NLK: variants seen among roughly 807,000 people sequenced by gnomAD.
NLK encodes serine/threonine-protein kinase NLK.
NLK carries 11 observed loss-of-function variants against 59.0 expected under a neutral mutation model. That is an observed-to-expected ratio of 0.19 (90% CI 0.12 to 0.31). NLK has a LOEUF of 0.31. NLK is among the 10% of genes least tolerant of loss of function. The pLI, the probability that NLK is intolerant of heterozygous loss-of-function variation, is 1.00. For synonymous variants in NLK, 235 were observed against 235.9 expected (o/e 1.00, Z 0.03); for missense variants, 410 against 661.1 (o/e 0.62, Z 4.16).
At chr17:28,186,658 T>C (rs929585841) in intron 8 of NLK, among the ~76,000 whole-genome samples, 6 of 152,162 alleles carry the variant, frequency 3.9e-5, no homozygotes, top group African/African-American at 1.4e-4. Flanking sequence ...AGAGAGCTTG[T>C]GCAGGGAAAC....
intron 1 of NLK, among the ~76,000 whole-genome samples, chr17:28,104,037 T>C (rs930675165): frequency 3.3e-5 from 5 of 152,244 alleles, no homozygotes; most frequent in African/African-American, 9.6e-5. Flanking sequence ...TCACTGAAAT[T>C]CCTATATTCT....
chr17:28,048,121 T>C (rs1452654108), intron 1 of NLK: 1 of 393,240 alleles, frequency 2.5e-6, no homozygotes, highest in Non-Finnish European at 4.5e-6. Flanking sequence ...TAATTTTAAC[T>C]ACAAACGAAC....
Position 28,060,298 on chromosome 17 carries a change from A to G in NLK, c.458+16967A>G, listed in dbSNP as rs879941088. ...CAAGAAAAGAACATCAGATTTGTCT[A>G]TGAAGACATCTAAGATGTGTATTTG... On this transcript the variant is annotated intron_variant, in intron 1 of 10. Coordinates refer to ENST00000407008, the MANE Select transcript of NLK (RefSeq NM_016231.5). Among the ~76,000 whole-genome samples the G allele has an allele frequency of 3.3e-5, 5 of 152,332 alleles. No homozygotes were observed. The East Asian group carries it at 9.6e-4, about 29-fold the overall frequency.
chr17:28,109,872 T>C (rs1053144294), intron 1 of NLK, among the ~76,000 whole-genome samples: 10 of 152,178 alleles, frequency 6.6e-5, no homozygotes, highest in African/African-American at 2.4e-4. Context: ...CATGGTAAGT[T>C]TATGTTTAAC....
intron 1 of NLK, among the ~76,000 whole-genome samples, chr17:28,073,936 G>C (rs972536440): frequency 5.9e-5 from 9 of 152,126 alleles, no homozygotes; most frequent in African/African-American, 1.9e-4. Flanking sequence ...AAAGTTTGTT[G>C]AATTGAGTTT....
chr17:28,166,998 T>C (rs1258043188), intron 5 of NLK, among the ~76,000 whole-genome samples: 2 of 152,224 alleles, frequency 1.3e-5, no homozygotes, highest in Non-Finnish European at 2.9e-5. Context: ...TATGAATTTG[T>C]ATTTTAAATA....
intron 1 of NLK, among the ~76,000 whole-genome samples, chr17:28,065,768 T>A (rs1351806507): frequency 6.6e-6 from 1 of 152,190 alleles, no homozygotes. Context: ...TACTAGATAT[T>A]TAGAAACTTT....
intron 3 of NLK, among the ~76,000 whole-genome samples, chr17:28,136,826 C>T (rs561945424): frequency 6.6e-6 from 1 of 152,100 alleles, no homozygotes; most frequent in South Asian, 2.1e-4. Context: ...TGGTCTTGAA[C>T]TCCTGACCAC....
At chr17:28,069,621 A>G (rs1909942116) in intron 1 of NLK, among the ~76,000 whole-genome samples, 1 of 152,164 alleles carries the variant, frequency 6.6e-6, no homozygotes, top group Admixed American at 6.5e-5. Context: ...TTGCATTACC[A>G]TGATGGCTAA....
chr17:28,200,082 G>A (rs1391681022), downstream of NLK, among the ~76,000 whole-genome samples: 2 of 152,102 alleles, frequency 1.3e-5, no homozygotes, highest in Admixed American at 6.5e-5. Flanking sequence ...TATGTGATTT[G>A]CAACTATTTT....
chr17:28,070,379 G>A (rs1359533415), intron 1 of NLK, among the ~76,000 whole-genome samples: 6 of 136,370 alleles, frequency 4.4e-5, no homozygotes, highest in African/African-American at 8.2e-5. Flanking sequence ...TTTTTGAGAC[G>A]GAATCTCGCC....
chr17:28,101,245 C>T (rs185448813), intron 1 of NLK, among the ~76,000 whole-genome samples: 1 of 152,242 alleles, frequency 6.6e-6, no homozygotes. Flanking sequence ...ATTTGTTTTA[C>T]CTATTCTAGG....
chr17:28,194,657 C>T lies in NLK; in HGVS notation c.*21C>T, dbSNP rs1374515394. 2 of 1,554,024 alleles carry T rather than the reference C, an allele frequency of 1.3e-6. No individual in the cohort carries two copies. Among genetic ancestry groups the T allele is most frequent in the Non-Finnish European group, 1.8e-6 (2 of 1,132,708 alleles). ...AGTGATGGTGGAAGATAATGTACTA[C>T]TGAAGATGTAATGTAGCTTTCCACT... On this transcript the variant is annotated 3_prime_UTR_variant, in exon 11 of 11. Coordinates refer to ENST00000407008, the MANE Select transcript of NLK (RefSeq NM_016231.5).
chr17:28,143,611 A>G (rs912855771), intron 3 of NLK, among the ~76,000 whole-genome samples: 1 of 152,206 alleles, frequency 6.6e-6, no homozygotes. Flanking sequence ...TGTTTTCCCA[A>G]CTCAGATAAA....
intron 4 of NLK, among the ~76,000 whole-genome samples, chr17:28,162,165 G>A (rs1051739404): frequency 1.6e-4 from 25 of 151,914 alleles, no homozygotes; most frequent in African/African-American, 6.0e-4. Context: ...ACAGGTGCCC[G>A]CCACCACGCC....
chr17:28,049,973 TGTGTCTCAA>T (rs983641260), intron 1 of NLK, among the ~76,000 whole-genome samples: 2 of 152,212 alleles, frequency 1.3e-5, no homozygotes, highest in Non-Finnish European at 2.9e-5. Context: ...AGAGTGAAAC[TGTGTCTCAA>T]AAAATATATA....
intron 1 of NLK, among the ~76,000 whole-genome samples, chr17:28,104,489 C>G (rs1432698915): frequency 6.6e-6 from 1 of 152,016 alleles, no homozygotes; most frequent in Non-Finnish European, 1.5e-5. Flanking sequence ...CTCCTGACCT[C>G]GTGATCTGTC....
At chr17:28,175,221 G>A (rs1440110275) in intron 7 of NLK, among the ~76,000 whole-genome samples, 4 of 151,644 alleles carry the variant, frequency 2.6e-5, no homozygotes, top group South Asian at 2.1e-4. Context: ...GGAGGCAGGC[G>A]GATCACGAGG....
At chr17:28,138,310 A>T (rs557600803) in intron 3 of NLK, among the ~76,000 whole-genome samples, 1 of 152,230 alleles carries the variant, frequency 6.6e-6, no homozygotes, top group Non-Finnish European at 1.5e-5. Flanking sequence ...GCTAGAAGCA[A>T]TTACATTCTA....
Sources: allele counts gnomAD v4.1 joint callset (sites outside exome capture counted in the v4.1 genomes callset), GRCh38; gene constraint gnomAD v4.1.1; transcripts MANE v1.5; gene names NCBI Gene and HGNC (gene_info 2026-07-23, HGNC 2026-07-21).